Variants in GALNT13 observed in about 807,000 individuals in gnomAD.
The protein encoded by GALNT13 is polypeptide N-acetylgalactosaminyltransferase 13, also known as UDP-GalNAc:polypeptide N-acetylgalactosaminyltransferase 13.
A neutral mutation model predicts 64.2 loss-of-function variants in GALNT13; 28 were observed. That is an observed-to-expected ratio of 0.44 (90% CI 0.32 to 0.60). GALNT13 has a LOEUF of 0.60. Ranked by LOEUF, GALNT13 falls within the 20% of genes least tolerant of loss-of-function variation. The pLI is 0.05. For synonymous variants in GALNT13, 214 were observed against 224.6 expected (o/e 0.95, Z 0.42); for missense variants, 577 against 669.8 (o/e 0.86, Z 1.53).
chr2:154,004,911 C>T (rs1320235333), intron 3 of GALNT13, among the ~76,000 whole-genome samples: 1 of 152,076 alleles, frequency 6.6e-6, no homozygotes, highest in Non-Finnish European at 1.5e-5. Context: ...TGCTTGTAGT[C>T]TCAGAAAATA....
intron 2 of GALNT13, among the ~76,000 whole-genome samples, chr2:153,909,356 A>C (rs1219395054): frequency 6.6e-6 from 1 of 152,132 alleles, no homozygotes; most frequent in Non-Finnish European, 1.5e-5. Flanking sequence ...GGGGTTTTCT[A>C]GATACAGAAA....
At chr2:153,957,718 G>T (rs185698013) in intron 3 of GALNT13, among the ~76,000 whole-genome samples, 102 of 152,162 alleles carry the variant, frequency 6.7e-4, no homozygotes, top group Non-Finnish European at 9.9e-4. Flanking sequence ...AGGGGGCAGG[G>T]GACTTAGGCA....
rs1559075692 is a variant in GALNT13 at position 154,298,612 on chromosome 2, T to TTTATATATACAATGTATATATAAA, written c.976-2786_976-2785insATGTATATATAAATTATATATACA. 5.3e-4 allele frequency among the ~76,000 whole-genome samples: 8 copies of TTTATATATACAATGTATATATAAA among 15,176 alleles called. 3 individuals carry two copies. The highest frequency in any genetic ancestry group is 1.9e-3 in the African/African-American group (6 of 3,236). The allele number at this position is 15,176 out of a possible 152,430, so 10.0% of individuals were successfully genotyped here. A position where few individuals can be genotyped will look rare whatever the true frequency, so the allele number is the denominator to read the frequency against. ...TTTATATATACAATGTATATATTAATTTATATATACATTGTATATATAATT... is the reference window on the plus strand; with the variant it reads ...TTTATATATACAATGTATATATTAATTTATATATACAATGTATATATAAATTATATATACATTGTATATATAATT... On this transcript the variant is annotated intron_variant, in intron 8 of 12. Transcript: ENST00000392825.
the GALNT13 span, among the ~76,000 whole-genome samples, chr2:153,130,607 C>A: frequency 6.6e-6 from 1 of 152,096 alleles, no homozygotes; most frequent in South Asian, 2.1e-4. Context: ...GGCCACCTGG[C>A]ACCCCAGCTA....
chr2:153,108,168 G>A, the GALNT13 span, among the ~76,000 whole-genome samples: 7 of 152,168 alleles, frequency 4.6e-5, no homozygotes, highest in East Asian at 1.9e-4. Context: ...ATGAGCCACC[G>A]TGCCTGGCTA....
At chr2:153,709,451 A>G in the GALNT13 span, among the ~76,000 whole-genome samples, 2 of 152,080 alleles carry the variant, frequency 1.3e-5, no homozygotes, top group Non-Finnish European at 2.9e-5. Context: ...ATCACCTCAC[A>G]TCTATCAGAA....
At chr2:153,916,069 ATCTTT>A (rs1246440592) in intron 2 of GALNT13, among the ~76,000 whole-genome samples, 3 of 151,720 alleles carry the variant, frequency 2.0e-5, no homozygotes, top group South Asian at 4.2e-4. Context: ...AGGTGATCTG[ATCTTT>A]TCTTTTCTTT....
the GALNT13 span, among the ~76,000 whole-genome samples, chr2:153,113,155 G>T: frequency 9.2e-4 from 140 of 152,154 alleles, 1 homozygote; most frequent in African/African-American, 3.3e-3. Context: ...TGTTGAGGAG[G>T]TTAATGTGCT....
At chr2:154,110,489 GC>G (rs990524111) in intron 3 of GALNT13, among the ~76,000 whole-genome samples, 2 of 150,506 alleles carry the variant, frequency 1.3e-5, no homozygotes, top group African/African-American at 4.9e-5. Context: ...AAGAAGGAGA[GC>G]CAGTCTGAGT....
At chr2:153,789,920 C>G in the GALNT13 span, among the ~76,000 whole-genome samples, 1 of 151,998 alleles carries the variant, frequency 6.6e-6, no homozygotes, top group African/African-American at 2.4e-5. Flanking sequence ...TAATGAGCTC[C>G]AAAATTGACT....
intron 7 of GALNT13, among the ~76,000 whole-genome samples, chr2:154,251,040 T>C (rs1291661283): frequency 6.6e-6 from 1 of 152,146 alleles, no homozygotes; most frequent in African/African-American, 2.4e-5. Context: ...TGAATCTATA[T>C]TCTATGAAAG....
At chr2:153,088,266 A>G in the GALNT13 span, among the ~76,000 whole-genome samples, 1 of 152,088 alleles carries the variant, frequency 6.6e-6, no homozygotes, top group Non-Finnish European at 1.5e-5. Flanking sequence ...ATGTATATGT[A>G]TAGTTTTAGG....
At chr2:153,679,611 T>C in the GALNT13 span, among the ~76,000 whole-genome samples, 1 of 151,916 alleles carries the variant, frequency 6.6e-6, no homozygotes, top group Non-Finnish European at 1.5e-5. Context: ...CACCTTATTA[T>C]CCTTTCTGAA....
intron 3 of GALNT13, among the ~76,000 whole-genome samples, chr2:154,088,178 A>T (rs10175190): frequency 6.6e-6 from 1 of 151,842 alleles, no homozygotes; most frequent in Non-Finnish European, 1.5e-5. Context: ...TTGCATCTCT[A>T]ATTGATTTTG....
At chr2:153,622,457 C>T in the GALNT13 span, among the ~76,000 whole-genome samples, 1 of 152,102 alleles carries the variant, frequency 6.6e-6, no homozygotes, top group African/African-American at 2.4e-5. Flanking sequence ...TTTGGCATTT[C>T]TTTAGAAATT....
chr2:153,542,359 CA>C, the GALNT13 span, among the ~76,000 whole-genome samples: 449 of 55,626 alleles, frequency 8.1e-3, no homozygotes, highest in Admixed American at 0.022. Flanking sequence ...CACACACACA[CA>C]AAAAAAAAAC....
At chr2:153,896,216 T>C (rs16835337) in intron 1 of GALNT13, among the ~76,000 whole-genome samples, 8,402 of 150,560 alleles carry the variant, frequency 0.056, 341 homozygotes, top group South Asian at 0.11. Context: ...AAGTCCTGAC[T>C]ACTTTCACTT....
intron 3 of GALNT13, among the ~76,000 whole-genome samples, chr2:153,949,360 A>T (rs1292249262): frequency 6.6e-6 from 1 of 152,036 alleles, no homozygotes; most frequent in African/African-American, 2.4e-5. Flanking sequence ...GAAGAAGAGG[A>T]CACTGGATCT....
At chr2:153,368,520 A>T in the GALNT13 span, among the ~76,000 whole-genome samples, 6 of 152,154 alleles carry the variant, frequency 3.9e-5, no homozygotes, top group Non-Finnish European at 7.4e-5. Context: ...TAGAAAACTG[A>T]GGTATATTAA....
Sources: gnomAD v4.1 joint callset for allele counts (sites outside exome capture counted in the v4.1 genomes callset) on GRCh38, gnomAD v4.1.1 for gene constraint, MANE v1.5 for transcripts, NCBI Gene and HGNC (gene_info 2026-07-23, HGNC 2026-07-21) for gene names.